AGAP2: variants seen among roughly 807,000 people sequenced by gnomAD.
AGAP2 encodes ArfGAP with GTPase domain, ankyrin repeat and PH domain 2, also known as arf-GAP with GTPase, ANK repeat and PH domain-containing protein 2.
AGAP2 carries 32 observed loss-of-function variants against 110.9 expected under a neutral mutation model. The ratio of observed to expected loss-of-function variants is 0.29; its 90% CI spans 0.22 to 0.39. The LOEUF is 0.39. Ranked by LOEUF, AGAP2 falls within the 10% of genes least tolerant of loss-of-function variation. The pLI, the probability that AGAP2 is intolerant of heterozygous loss-of-function variation, is 1.00. For missense variants in AGAP2, 1,285 were observed against 1,638.5 expected (o/e 0.78, Z 3.72); for synonymous variants, 702 against 713.0 (o/e 0.98, Z 0.25).
At chr12:57,731,282 G>A in intron 10 of AGAP2, 84 bp downstream of exon 10, 1 of 1,171,282 alleles carries the variant, frequency 8.5e-7, no homozygotes, top group African/African-American at 1.5e-5. Flanking sequence ...TAGAAATGAG[G>A]TTAGTGCTTT....
Position 57,731,100 on chromosome 12 carries a change from T to A in AGAP2, c.2146-147A>T, listed in dbSNP as rs912392761. The A allele has an allele frequency of 1.2e-5, 11 of 938,048 alleles. No homozygotes were observed. The African/African-American group carries it at 1.3e-4, about 11-fold the overall frequency. 58.1% of individuals were successfully genotyped at this position (938,048 alleles called of 1,614,324 possible). ...GATGAACATCTAGGGGATGGGCCCA[T>A]CAGACTTGGCCCAGCAATTGTCTCC... On this transcript the variant is annotated intron_variant, in intron 10 of 18. Transcript: ENST00000547588.
chr12:57,727,030 G>A lies in AGAP2; in HGVS notation c.3280C>T (p.Pro1094Ser). Reference protein sequence around the residue: ...TSVEDPQLRSPLHLAAELAHV... With the variant: ...TSVEDPQLRSSLHLAAELAHV... ...GCGAGCTCGGCCGCCAGGTGGAGTG[G>A]GGAGCGCAGCTGTGGGTCCTCTACG... is the stretch of plus-strand genomic sequence containing the variant. The change falls in exon 18 of 19, where the codon CCA becomes TCA. Residue 1094 changes from proline to serine, a missense_variant. Pro to Ser is a moderately conservative substitution (Grantham distance 74). Around this residue, in one of 7 missense-constraint regions of AGAP2, gnomAD observed 201 missense variants for 276.1 expected, o/e 0.73. Transcript: ENST00000547588. 6.2e-7 allele frequency: 1 copy of A among 1,609,558 alleles called. No individual in the cohort carries two copies. The highest frequency in any genetic ancestry group is 1.1e-5 in the South Asian group (1 of 90,706).
upstream of AGAP2, chr12:57,742,041 C>A: frequency 6.2e-7 from 1 of 1,614,158 alleles, no homozygotes; most frequent in Non-Finnish European, 8.5e-7. Flanking sequence ...GCTCTCACTG[C>A]AGCTACAACG....
chr12:57,735,075 G>A (rs1954955071), intron 2 of AGAP2, among the ~76,000 whole-genome samples: 1 of 151,728 alleles, frequency 6.6e-6, no homozygotes, highest in South Asian at 2.1e-4. Context: ...CCAATTCTAG[G>A]CAGTACAACA....
Position 57,737,770 on chromosome 12 carries a change from C to G in AGAP2, c.477G>C (p.Ala159=), listed in dbSNP as rs981894192. ...AGGATGAGCCAGGGATGCCGCCGCC[C>G]GCCCGGCCTTCGGGCTCCGGGCCGC... The part of the protein sequence containing the change: ...SWGGPEPEGR[A]GGGIPGSSSP... The change falls in exon 1 of 19, where the codon GCG becomes GCC. Residue 159 remains alanine (A), a synonymous_variant. Transcript: ENST00000547588. The surrounding 1 kb of genome is among the most constrained non-coding windows in gnomAD (Gnocchi z 5.9). The G allele has an allele frequency of 6.5e-7, 1 of 1,533,086 alleles. No individual in the cohort carries two copies. Among genetic ancestry groups the G allele is most frequent in the East Asian group, 2.5e-5 (1 of 40,660 alleles). The allele number at this position is 1,533,086 out of a possible 1,614,324, so 95.0% of individuals were successfully genotyped here.
intron 1 of AGAP2, among the ~76,000 whole-genome samples, chr12:57,736,831 A>C (rs2140366472): frequency 6.6e-6 from 1 of 152,306 alleles, no homozygotes; most frequent in African/African-American, 2.4e-5. Context: ...CAAGGACGTT[A>C]CTTTCCCAGA....
At chr12:57,731,526 C>A (rs371837626) in intron 9 of AGAP2, 30 bp downstream of exon 9, 13 of 1,613,928 alleles carry the variant, frequency 8.1e-6, no homozygotes, top group Non-Finnish European at 1.1e-5. Flanking sequence ...CCAGCTGCCC[C>A]TAGCCTGTCC....
In AGAP2 at chr12:57,729,673, T is replaced by C; in HGVS notation, c.2523A>G (p.Pro841=). The change falls in exon 13 of 19, where the codon CCA becomes CCG. Residue 841 remains proline, a synonymous_variant. Coordinates refer to ENST00000547588, the MANE Select transcript of AGAP2 (RefSeq NM_001122772.3). ...GCCCAGCCGAGCCTTCAGTCTTGGA[T>C]GGTGTTGTCAATTTTTTCCTCCTCT... ...KKQRRKKLTT[P]SKTEGSAGQA... The C allele has an allele frequency of 6.2e-7, 1 of 1,613,590 alleles. No individual in the cohort carries two copies. Among genetic ancestry groups the C allele is most frequent in the Non-Finnish European group, 8.5e-7 (1 of 1,179,832 alleles).
At position 57,737,608 on chromosome 12, in the gene AGAP2, G is replaced by C. The variant is rs1241737696; in HGVS notation, c.639C>G (p.Pro213=). The change falls in exon 1 of 19, where the codon CCC becomes CCG. Residue 213 remains proline, a synonymous_variant. Coordinates refer to ENST00000547588, the MANE Select transcript of AGAP2 (RefSeq NM_001122772.3). The surrounding 1 kb of genome is among the most constrained non-coding windows in gnomAD (Gnocchi z 5.9). ...GKGAGSRLSW[P]ESEGKPRVKG... ...TGACCCTGGGCTTGCCCTCGCTTTC[G>C]GGCCATGACAGGCGGCTACCCGCGC... is the stretch of plus-strand genomic sequence containing the variant. 2 of 1,547,710 alleles carry C rather than the reference G, an allele frequency of 1.3e-6. No individual in the cohort carries two copies. Among genetic ancestry groups the C allele is most frequent in the African/African-American group, 1.4e-5 (1 of 73,038 alleles).
chr12:57,727,619 C>T (rs759923086), intron 16 of AGAP2, 37 bp from the exon 17 acceptor site: 2 of 1,590,726 alleles, frequency 1.3e-6, no homozygotes, highest in Non-Finnish European at 1.7e-6. Context: ...CCCAGCCGGG[C>T]AGCACAGGCA....
At chr12:57,724,095 G>A (rs533256691), downstream of AGAP2, 92 of 152,718 alleles carry the variant, frequency 6.0e-4, no homozygotes, top group Non-Finnish European at 1.2e-3. Flanking sequence ...CACTGCACCT[G>A]CACTGTTGAA....
Position 57,732,393 on chromosome 12 carries a change from C to A in AGAP2, c.1794+10G>T, listed in dbSNP as rs779624882. 2 of 1,582,150 alleles carry A rather than the reference C, an allele frequency of 1.3e-6. No individual in the cohort carries two copies. The highest frequency in any genetic ancestry group is 1.7e-6 in the Non-Finnish European group (2 of 1,162,806). On this transcript the variant is annotated intron_variant, in intron 7 of 18. Coordinates refer to ENST00000547588, the MANE Select transcript of AGAP2 (RefSeq NM_001122772.3). ...CCGGCCCCTCTGCAGACTCTGAAACCCCAACTCACCTGGCCAGCTACCGGA... is the reference window on the plus strand; with the variant it reads ...CCGGCCCCTCTGCAGACTCTGAAACACCAACTCACCTGGCCAGCTACCGGA...
rs1459189550 is a variant in AGAP2, at chr12:57,728,062, C to T, written c.2641G>A (p.Val881Met). The T allele has an allele frequency of 1.2e-6, 2 of 1,601,272 alleles. No individual in the cohort carries two copies. The highest frequency in any genetic ancestry group is 2.2e-5 in the East Asian group (1 of 44,834). ...KAEENFEFLI[V>M]SSTGQTWHFE... ...TGCCACGTCTGACCCGTGCTGGACACGATCAGGAACTCAAAGTTTTCCTCT... is the reference window on the plus strand; with the variant it reads ...TGCCACGTCTGACCCGTGCTGGACATGATCAGGAACTCAAAGTTTTCCTCT... The change falls in exon 15 of 19, where the codon GTG (valine) becomes ATG (methionine). Residue 881 changes from valine to methionine, a missense_variant. Around this residue, in one of 7 missense-constraint regions of AGAP2, gnomAD observed 25 missense variants for 67.5 expected, o/e 0.37. Transcript: ENST00000547588.
At chr12:57,730,424 C>T (rs1326314732) in intron 12 of AGAP2, 71 bp downstream of exon 12, 1 of 1,591,166 alleles carries the variant, frequency 6.3e-7, no homozygotes, top group Non-Finnish European at 8.6e-7. Flanking sequence ...AAGCCTTCAC[C>T]CCATATTCAT....
chr12:57,735,271 GA>G, intron 2 of AGAP2, 97 bp downstream of exon 2: 1 of 509,666 alleles, frequency 2.0e-6, no homozygotes. Context: ...TATTCCCAAA[GA>G]GAGAGAGAGA....
Position 57,727,013 on chromosome 12 carries a change from G to A in AGAP2, c.3297C>T (p.Ala1099=). Reference sequence around the variant, plus strand: ...GCGTGATGACGACGTGGGCGAGCTCGGCCGCCAGGTGGAGTGGGGAGCGCA... The same window carrying A: ...GCGTGATGACGACGTGGGCGAGCTCAGCCGCCAGGTGGAGTGGGGAGCGCA... ...PQLRSPLHLA[A]ELAHVVITQL... The change falls in exon 18 of 19, where the codon GCC becomes GCT. Residue 1099 remains alanine (A), a synonymous_variant. Coordinates refer to ENST00000547588, the MANE Select transcript of AGAP2 (RefSeq NM_001122772.3). The A allele has an allele frequency of 6.2e-7, 1 of 1,606,806 alleles. No individual in the cohort carries two copies. The highest frequency in any genetic ancestry group is 8.5e-7 in the Non-Finnish European group (1 of 1,177,118).
In AGAP2 at chr12:57,730,848, C is replaced by G. The variant is rs772013318; in HGVS notation, c.2251G>C (p.Ala751Pro). 1.2e-6 allele frequency: 2 copies of G among 1,613,934 alleles called. No homozygotes were observed. Among genetic ancestry groups the G allele is most frequent in the South Asian group, 2.2e-5 (2 of 91,018 alleles). Residue 751 changes from alanine (A) to proline (P), a missense_variant, in exon 11 of 19, where the codon GCC becomes CCC. By Grantham distance (27) the Ala-to-Pro change is conservative (BLOSUM62 -1). Coordinates refer to ENST00000547588, the MANE Select transcript of AGAP2 (RefSeq NM_001122772.3). ...PRAISAFGPS[A>P]SINGLVKDMS... The stretch of plus-strand genomic sequence containing the variant: ...TCCTTGACGAGCCCGTTAATGCTGG[C>G]TGAGGGGCCAAAGGCAGAGATGGCC...
At chr12:57,728,474 G>T in intron 13 of AGAP2, 97 bp from the exon 14 acceptor site, 2 of 1,231,120 alleles carry the variant, frequency 1.6e-6, no homozygotes, top group South Asian at 1.3e-5. Flanking sequence ...TAGATGGAGA[G>T]ATGGAGAGAG....
chr12:57,736,990 C>T, intron 1 of AGAP2, 89 bp downstream of exon 1: 1 of 1,443,408 alleles, frequency 6.9e-7, no homozygotes, highest in Non-Finnish European at 9.1e-7. Context: ...AGAAAAGCTT[C>T]CCTAGTTTCC....
Sources: allele counts gnomAD v4.1 joint callset (sites outside exome capture counted in the v4.1 genomes callset), GRCh38; gene constraint gnomAD v4.1.1; regional missense constraint gnomAD v4.1.1; non-coding constraint Gnocchi (gnomAD v3.1); transcripts MANE v1.5; gene names NCBI Gene and HGNC (gene_info 2026-07-23, HGNC 2026-07-21).